The following FGF2 variants were observed in gnomAD, a reference collection of about 807,000 sequenced individuals.
FGF2 encodes the protein basic fibroblast growth factor bFGF.
A neutral mutation model predicts 15.9 loss-of-function variants in FGF2; 13 were observed. The observed-to-expected ratio is 0.82, with a 90% CI of 0.53 to 1.30. FGF2 has a LOEUF of 1.30. FGF2 is among the 50% of genes most tolerant of loss of function. FGF2 has a pLI of 0.00. For synonymous variants in FGF2, 90 were observed against 78.4 expected, an observed-to-expected ratio of 1.15 and a Z score of -0.78; for missense variants, 163 against 196.9, an observed-to-expected ratio of 0.83 and a Z score of 1.03.
intron 1 of FGF2, among the ~76,000 whole-genome samples, chr4:122,866,630 G>C (rs776466756): frequency 1.3e-5 from 2 of 152,198 alleles, no homozygotes; most frequent in African/African-American, 4.8e-5. Flanking sequence ...AAACCACAGT[G>C]AGATATTACT....
Position 122,893,577 on chromosome 4 carries a change from C to G in FGF2, c.*1181C>G, listed in dbSNP as rs1215373915. On this transcript the variant is annotated 3_prime_UTR_variant, in exon 3 of 3. Coordinates refer to ENST00000644866, the MANE Select transcript of FGF2 (RefSeq NM_001361665.2). ...TAAAACATTTTGCATGGCTGCAGTT[C>G]CTTTGTTTCTTGAGATAAGATTCCA... 1 of 171,124 alleles carries G rather than the reference C, an allele frequency of 5.8e-6. No homozygotes were observed. The highest frequency in any genetic ancestry group is 1.2e-5 in the Non-Finnish European group (1 of 81,382). The allele number at this position is 171,124 out of a possible 1,614,324, so 10.6% of individuals were successfully genotyped here.
chr4:122,843,200 G>C (rs1434779460), intron 1 of FGF2, among the ~76,000 whole-genome samples: 1 of 152,210 alleles, frequency 6.6e-6, no homozygotes, highest in Non-Finnish European at 1.5e-5. Flanking sequence ...GTCATAAAAG[G>C]CTTCAAACAG....
At chr4:122,887,417 C>A (rs781602844) in intron 2 of FGF2, among the ~76,000 whole-genome samples, 8 of 152,160 alleles carry the variant, frequency 5.3e-5, no homozygotes, top group Non-Finnish European at 1.2e-4. Flanking sequence ...AGCAGTCCCC[C>A]CCACTTGCTT....
At chr4:122,882,954 T>C (rs916238894) in intron 2 of FGF2, 3 of 152,240 alleles carry the variant, frequency 2.0e-5, no homozygotes, top group Non-Finnish European at 2.9e-5. Flanking sequence ...GGCACATTTC[T>C]CTCCGAGTCA....
At chr4:122,833,381 T>C (rs557175439) in intron 1 of FGF2, among the ~76,000 whole-genome samples, 2 of 152,312 alleles carry the variant, frequency 1.3e-5, no homozygotes, top group East Asian at 1.9e-4. Context: ...ATTGAACAAT[T>C]GAAAGGAATG....
chr4:122,860,447 CTTTTTTTTTT>C (rs34541038), intron 1 of FGF2, among the ~76,000 whole-genome samples: 3 of 90,918 alleles, frequency 3.3e-5, no homozygotes, highest in South Asian at 4.9e-4. Flanking sequence ...CTAAGGTTAA[CTTTTTTTTTT>C]TTTTTTTTTT....
At chr4:122,885,594 CAG>C (rs1185854494) in intron 2 of FGF2, among the ~76,000 whole-genome samples, 1 of 152,112 alleles carries the variant, frequency 6.6e-6, no homozygotes, top group African/African-American at 2.4e-5. Flanking sequence ...AAAGATGACA[CAG>C]AGAGTATCTA....
At chr4:122,878,541 G>A (rs1461096665) in intron 2 of FGF2, among the ~76,000 whole-genome samples, 1 of 152,174 alleles carries the variant, frequency 6.6e-6, no homozygotes, top group East Asian at 1.9e-4. Flanking sequence ...TGCTGAATCT[G>A]TTGAAGGGCT....
rs1725680748 is a variant in FGF2 at position 122,827,842 on chromosome 4, A to G, written c.178+490A>G. 6.6e-6 allele frequency among the ~76,000 whole-genome samples: 1 copy of G among 152,082 alleles called. No individual in the cohort carries two copies. Among genetic ancestry groups the G allele is most frequent in the African/African-American group, 2.4e-5 (1 of 41,408 alleles). On this transcript the variant is annotated intron_variant, in intron 1 of 2. Transcript: ENST00000644866. This position sits in a 1 kb window ranked among gnomAD's most constrained non-coding sequence, Gnocchi z 4.2. ...GACGACCCGAGGCATATGGCACACT[A>G]CTCTCACCCACTCTGTTTTATATTT...
At chr4:122,864,790 C>A (rs971528948) in intron 1 of FGF2, among the ~76,000 whole-genome samples, 5 of 151,982 alleles carry the variant, frequency 3.3e-5, no homozygotes, top group Non-Finnish European at 7.4e-5. Flanking sequence ...TTGAGAAATT[C>A]TCTCTCCCTC....
intron 2 of FGF2, chr4:122,882,672 A>G (rs1272641610): frequency 1.3e-5 from 2 of 152,360 alleles, no homozygotes; most frequent in East Asian, 1.9e-4. Context: ...AGCCATGGCT[A>G]TTAAGCATAA....
chr4:122,862,058 A>C (rs1244946950), intron 1 of FGF2, among the ~76,000 whole-genome samples: 1 of 152,168 alleles, frequency 6.6e-6, no homozygotes, highest in Non-Finnish European at 1.5e-5. Context: ...ACCAGTCCTC[A>C]TCGCCTCAAC....
intron 1 of FGF2, among the ~76,000 whole-genome samples, chr4:122,830,832 A>AAAAAAAC (rs1725749976): frequency 1.3e-5 from 2 of 151,282 alleles, no homozygotes; most frequent in Non-Finnish European, 2.9e-5. Context: ...AAAAAAAAAA[A>AAAAAAAC]AAAAAAAATG....
At chr4:122,874,788 A>G (rs1453923093) in intron 1 of FGF2, among the ~76,000 whole-genome samples, 1 of 152,110 alleles carries the variant, frequency 6.6e-6, no homozygotes, top group Admixed American at 6.5e-5. Context: ...TATTTAAGAA[A>G]CTTTCAAAAG....
chr4:122,862,739 G>A (rs1355706858), intron 1 of FGF2, among the ~76,000 whole-genome samples: 1 of 152,160 alleles, frequency 6.6e-6, no homozygotes, highest in African/African-American at 2.4e-5. Context: ...ATGATGAGAT[G>A]CTTCAATTTT....
chr4:122,887,100 C>T (rs1018340062), intron 2 of FGF2, among the ~76,000 whole-genome samples: 3 of 152,058 alleles, frequency 2.0e-5, no homozygotes, highest in East Asian at 1.9e-4. Flanking sequence ...TGGACCACGA[C>T]GTCAGGAGTT....
chr4:122,830,182 G>T (rs1725731776), intron 1 of FGF2, among the ~76,000 whole-genome samples: 1 of 152,178 alleles, frequency 6.6e-6, no homozygotes, highest in Non-Finnish European at 1.5e-5. Flanking sequence ...TTAACATTTA[G>T]TATGGATTAA....
At chr4:122,863,932 C>T (rs908572909) in intron 1 of FGF2, among the ~76,000 whole-genome samples, 2 of 151,768 alleles carry the variant, frequency 1.3e-5, no homozygotes, top group Non-Finnish European at 2.9e-5. Flanking sequence ...AGGCCTGCAA[C>T]ATTTTCAAGA....
Position 122,893,104 on chromosome 4 carries a change from G to A in FGF2, c.*708G>A, listed in dbSNP as rs768158192. The A allele has an allele frequency of 1.9e-6, 3 of 1,614,140 alleles. No individual in the cohort carries two copies. The highest frequency in any genetic ancestry group is 1.6e-4 in the Middle Eastern group (1 of 6,062). ...ATGAATATGGCTTTAGGCGGCAGATGATATACATATCTGACTTCCCAAAAG... is the reference window on the plus strand; with the variant it reads ...ATGAATATGGCTTTAGGCGGCAGATAATATACATATCTGACTTCCCAAAAG... On this transcript the variant is annotated 3_prime_UTR_variant, in exon 3 of 3. Coordinates refer to ENST00000644866, the MANE Select transcript of FGF2 (RefSeq NM_001361665.2).
Sources: allele counts gnomAD v4.1 joint callset (sites outside exome capture counted in the v4.1 genomes callset), GRCh38; gene constraint gnomAD v4.1.1; non-coding constraint Gnocchi (gnomAD v3.1); transcripts MANE v1.5; gene names NCBI Gene and HGNC (gene_info 2026-07-23, HGNC 2026-07-21).